The following BCAS3 variants were observed in gnomAD, a reference collection of about 807,000 sequenced individuals.
BCAS3 encodes BCAS4/BCAS3 fusion.
A neutral mutation model predicts 116.1 loss-of-function variants in BCAS3; 53 were observed. That is an observed-to-expected ratio of 0.46 (90% confidence interval 0.37 to 0.57). The LOEUF (loss-of-function observed/expected upper bound fraction) is 0.57. BCAS3 is among the 20% of genes least tolerant of loss of function. The probability of loss-of-function intolerance (pLI) is 0.00; values close to 1 mark genes in which losing one functional copy is unlikely to be tolerated. For missense variants in BCAS3, 917 were observed against 1,165.4 expected, an observed-to-expected ratio of 0.79 and a Z score of 3.10; for synonymous variants, 391 against 408.2, an observed-to-expected ratio of 0.96 and a Z score of 0.51.
intron 22 of BCAS3, among the ~76,000 whole-genome samples, chr17:61,267,278 C>T (rs113599227): frequency 0.063 from 9,207 of 146,616 alleles, 416 homozygotes; most frequent in African/African-American, 0.13. Context: ...AGGATGGTCT[C>T]GATCTCCTGA....
rs911487258 is a variant in BCAS3, at chr17:61,050,411, G to GTA, written c.2029+9527_2029+9528dup. Among the ~76,000 whole-genome samples, 5 of 151,840 alleles carry GTA rather than the reference G, an allele frequency of 3.3e-5. No homozygotes were observed. The East Asian group carries it at 9.6e-4, about 29-fold the overall frequency. Reference sequence around the variant, plus strand: ...ACTGTGTGTGTACCTACGCATGTGTGTATATATATGTGTGTACACAGTAGC... The same window carrying GTA: ...ACTGTGTGTGTACCTACGCATGTGTGTATATATATATGTGTGTACACAGTAGC... On this transcript the variant is annotated intron_variant, in intron 19 of 23. Coordinates refer to ENST00000407086, the MANE Select transcript of BCAS3 (RefSeq NM_017679.5).
intron 12 of BCAS3, among the ~76,000 whole-genome samples, chr17:60,923,981 C>A (rs1238269717): frequency 2.0e-5 from 3 of 152,154 alleles, no homozygotes; most frequent in Admixed American, 1.3e-4. Flanking sequence ...TGTTTCCCCC[C>A]CATTCTTATA....
In BCAS3 at chr17:61,226,894, C is replaced by G. The variant is rs1362321634; in HGVS notation, c.2426-141433C>G. 6.6e-6 allele frequency among the ~76,000 whole-genome samples: 1 copy of G among 152,152 alleles called. No homozygotes were observed. The highest frequency in any genetic ancestry group is 6.5e-5 in the Admixed American group (1 of 15,282). On this transcript the variant is annotated intron_variant, in intron 22 of 23. Coordinates refer to ENST00000407086, the MANE Select transcript of BCAS3 (RefSeq NM_017679.5). The surrounding 1 kb of genome is among the most constrained non-coding windows in gnomAD (Gnocchi z 6.0). ...TGCTGTCAGTTTGCCTGCCTATATC[C>G]TATAATATCCCTTTCCTTTTTAATT...
intron 5 of BCAS3, among the ~76,000 whole-genome samples, chr17:60,744,858 A>G (rs989978222): frequency 3.3e-5 from 5 of 152,176 alleles, no homozygotes; most frequent in Non-Finnish European, 2.9e-5. Flanking sequence ...TTAAGATACA[A>G]GCTTAGAATA....
intron 19 of BCAS3, among the ~76,000 whole-genome samples, chr17:61,044,465 A>AAAAAAAAAAAAAATATATATATATAT: frequency 8.3e-6 from 1 of 120,124 alleles, no homozygotes; most frequent in African/African-American, 5.0e-5. Flanking sequence ...AAAAAAAAAA[A>AAAAAAAAAAAAAATATATATATATAT]ATATATATAT....
At chr17:60,726,491 C>G (rs74207732) in intron 5 of BCAS3, among the ~76,000 whole-genome samples, 5,084 of 150,888 alleles carry the variant, frequency 0.034, 235 homozygotes, top group African/African-American at 0.1. Flanking sequence ...TGAGCCACTG[C>G]GCCCAGCCAG....
At chr17:60,865,694 A>T (rs1247104554) in intron 7 of BCAS3, among the ~76,000 whole-genome samples, 1 of 152,160 alleles carries the variant, frequency 6.6e-6, no homozygotes, top group African/African-American at 2.4e-5. Context: ...CTATAAATAG[A>T]TCATGTTATC....
intron 15 of BCAS3, among the ~76,000 whole-genome samples, chr17:60,996,281 A>G (rs957467950): frequency 2.0e-5 from 3 of 152,188 alleles, no homozygotes; most frequent in African/African-American, 4.8e-5. Flanking sequence ...AGTTGAGACC[A>G]GTTAGGAGAG....
chr17:61,388,353 G>T lies in BCAS3; in HGVS notation c.2594-3624G>T. The T allele has an allele frequency of 2.3e-6, 1 of 431,664 alleles. No individual in the cohort carries two copies. The highest frequency in any genetic ancestry group is 4.2e-6 in the Non-Finnish European group (1 of 237,658). The allele number at this position is 431,664 out of a possible 1,614,324, so 26.7% of individuals were successfully genotyped here. A position where few individuals can be genotyped will look rare whatever the true frequency, so the allele number is the denominator to read the frequency against. On this transcript the variant is annotated intron_variant, in intron 23 of 23. Transcript: ENST00000407086. This position sits in a 1 kb window ranked among gnomAD's most constrained non-coding sequence, Gnocchi z 6.5. ...TAAAACTGTTCTTCATGTTGAACCTGTGACTCCTCTCCCCCTCCCCCACTC... is the reference window on the plus strand; with the variant it reads ...TAAAACTGTTCTTCATGTTGAACCTTTGACTCCTCTCCCCCTCCCCCACTC...
chr17:60,814,306 T>TGTGTGTGCGC (rs368289350), intron 7 of BCAS3, among the ~76,000 whole-genome samples: 5 of 148,302 alleles, frequency 3.4e-5, no homozygotes, highest in Admixed American at 2.7e-4. Flanking sequence ...TGTGTGTGTG[T>TGTGTGTGCGC]GCGCGCGTGC....
intron 14 of BCAS3, among the ~76,000 whole-genome samples, chr17:60,957,921 T>C (rs2061226194): frequency 6.6e-6 from 1 of 152,184 alleles, no homozygotes; most frequent in Non-Finnish European, 1.5e-5. Flanking sequence ...CAATATAGCG[T>C]TAAGAGCTGG....
chr17:61,338,990 C>A (rs1394732394), intron 22 of BCAS3, among the ~76,000 whole-genome samples: 5 of 151,254 alleles, frequency 3.3e-5, no homozygotes, highest in African/African-American at 1.2e-4. Flanking sequence ...CCTCTTCATA[C>A]CCCATTTCTT....
chr17:60,903,009 A>T (rs1174443576), intron 11 of BCAS3, among the ~76,000 whole-genome samples: 1 of 152,194 alleles, frequency 6.6e-6, no homozygotes, highest in Non-Finnish European at 1.5e-5. Context: ...ATTATTCCCT[A>T]TGAAAACTTG....
At chr17:60,688,740 C>T (rs1462477012) in intron 3 of BCAS3, among the ~76,000 whole-genome samples, 9 of 150,346 alleles carry the variant, frequency 6.0e-5, no homozygotes, top group Admixed American at 2.7e-4. Context: ...CACTTGAACC[C>T]GGGAGGTGGA....
intron 22 of BCAS3, among the ~76,000 whole-genome samples, chr17:61,267,966 G>T: frequency 6.6e-6 from 1 of 151,952 alleles, no homozygotes; most frequent in Non-Finnish European, 1.5e-5. Context: ...AGAAAACTGG[G>T]TCACATATCT....
intron 14 of BCAS3, among the ~76,000 whole-genome samples, chr17:60,984,582 G>A (rs1238561080): frequency 6.6e-6 from 1 of 151,858 alleles, no homozygotes; most frequent in East Asian, 1.9e-4. Flanking sequence ...TCACATCAGG[G>A]TAATTGGGGT....
At chr17:60,740,351 A>G (rs1478861478) in intron 5 of BCAS3, among the ~76,000 whole-genome samples, 1 of 151,852 alleles carries the variant, frequency 6.6e-6, no homozygotes, top group Non-Finnish European at 1.5e-5. Flanking sequence ...AAAAAAATTC[A>G]GCTGGGCATG....
chr17:61,361,732 G>C lies in BCAS3; in HGVS notation c.2426-6595G>C, dbSNP rs1463651298. 7 of 152,178 alleles carry C rather than the reference G, an allele frequency of 4.6e-5. No homozygotes were observed. The highest frequency in any genetic ancestry group is 2.6e-4 in the Admixed American group (4 of 15,270). 9.4% of individuals were successfully genotyped at this position (152,178 alleles called of 1,614,324 possible). ...AGGTCAAGAAGTCCCACTGTCTGTT[G>C]TCTGAAGGTGAAGAACCAAGAAGGC... On this transcript the variant is annotated intron_variant, in intron 22 of 23. Coordinates refer to ENST00000407086, the MANE Select transcript of BCAS3 (RefSeq NM_017679.5). The surrounding 1 kb of genome is among the most constrained non-coding windows in gnomAD (Gnocchi z 6.5).
intron 5 of BCAS3, among the ~76,000 whole-genome samples, chr17:60,745,427 A>G (rs1377377469): frequency 6.6e-6 from 1 of 152,042 alleles, no homozygotes; most frequent in African/African-American, 2.4e-5. Context: ...CATCTGTAAT[A>G]TAATTAGATT....
Sources: gnomAD v4.1 joint callset for allele counts (sites outside exome capture counted in the v4.1 genomes callset) on GRCh38, gnomAD v4.1.1 for gene constraint, Gnocchi (gnomAD v3.1) non-coding constraint, MANE v1.5 for transcripts, NCBI Gene and HGNC (gene_info 2026-07-23, HGNC 2026-07-21) for gene names.